Variants in TDRD5 observed in about 807,000 individuals in gnomAD.
TDRD5 encodes the protein tudor domain containing 5.
A neutral mutation model predicts 120.6 loss-of-function variants in TDRD5; 41 were observed. The observed-to-expected ratio is 0.34, with a 90% CI of 0.26 to 0.44. The LOEUF is 0.44. TDRD5 is among the 20% of genes least tolerant of loss of function. The pLI is 1.00. For synonymous variants in TDRD5, 430 were observed against 433.7 expected (o/e 0.99, Z 0.11); for missense variants, 1,006 against 1,221.2 (o/e 0.82, Z 2.63).
At chr1:179,653,155 C>T (rs574371891) in intron 13 of TDRD5, among the ~76,000 whole-genome samples, 2 of 152,242 alleles carry the variant, frequency 1.3e-5, no homozygotes, top group African/African-American at 4.8e-5. Flanking sequence ...GTCTTATATT[C>T]CTCACGACAA....
chr1:179,623,289 A>C (rs1198650078), intron 6 of TDRD5, among the ~76,000 whole-genome samples: 1 of 152,186 alleles, frequency 6.6e-6, no homozygotes, highest in East Asian at 1.9e-4. Flanking sequence ...GGATTGAATA[A>C]AGGATGTAGT....
At position 179,662,160 on chromosome 1, in the gene TDRD5, T is replaced by C; in HGVS notation, c.2379T>C (p.Ile793=). Reference sequence around the variant, plus strand: ...AGTCAGTGACCATAGGTGATGATATTTGGGATGAGAACTGGTTACCTCTAC... The same window carrying C: ...AGTCAGTGACCATAGGTGATGATATCTGGGATGAGAACTGGTTACCTCTAC... The part of the protein sequence containing the change: ...CLESVTIGDD[I]WDENWLPLQA... Residue 793 remains isoleucine (I), a synonymous_variant, in exon 15 of 18, where the codon ATT becomes ATC. Transcript: ENST00000444136. 1.2e-6 allele frequency: 2 copies of C among 1,610,258 alleles called. No individual in the cohort carries two copies. The highest frequency in any genetic ancestry group is 1.7e-6 in the Non-Finnish European group (2 of 1,178,474).
intron 11 of TDRD5, among the ~76,000 whole-genome samples, chr1:179,645,171 C>T (rs1204425477): frequency 6.9e-6 from 1 of 145,978 alleles, no homozygotes; most frequent in Non-Finnish European, 1.5e-5. Context: ...CTGCAAGCTC[C>T]GCCTCCCGGG....
At chr1:179,674,686 A>C (rs951920810) in intron 17 of TDRD5, among the ~76,000 whole-genome samples, 3 of 151,814 alleles carry the variant, frequency 2.0e-5, no homozygotes, top group Non-Finnish European at 2.9e-5. Context: ...TTTTTTGTTG[A>C]CAGTTTTTTT....
At chr1:179,645,132 C>CAGA (rs2102041262) in intron 11 of TDRD5, among the ~76,000 whole-genome samples, 1 of 124,510 alleles carries the variant, frequency 8.0e-6, no homozygotes, top group East Asian at 2.4e-4. Flanking sequence ...GTCGCCCAGG[C>CAGA]TGGAGTGCAG....
chr1:179,599,955 A>G (rs1675618861), intron 4 of TDRD5, among the ~76,000 whole-genome samples: 1 of 152,210 alleles, frequency 6.6e-6, no homozygotes, highest in Non-Finnish European at 1.5e-5. Flanking sequence ...ATGACAATCA[A>G]CAACCATGTT....
chr1:179,664,428 C>T (rs899124996), intron 16 of TDRD5, among the ~76,000 whole-genome samples: 1 of 152,020 alleles, frequency 6.6e-6, no homozygotes, highest in Non-Finnish European at 1.5e-5. Context: ...TTTCATCACG[C>T]TCTCAAAAAA....
At chr1:179,687,871 C>CTT (rs139709484) in intron 17 of TDRD5, among the ~76,000 whole-genome samples, 2,759 of 140,082 alleles carry the variant, frequency 0.02, 34 homozygotes, top group Non-Finnish European at 0.022. Flanking sequence ...GCAACCCCTG[C>CTT]TTTTTTTTTT....
intron 17 of TDRD5, among the ~76,000 whole-genome samples, chr1:179,670,823 C>A (rs1176164237): frequency 6.6e-6 from 1 of 152,138 alleles, no homozygotes; most frequent in Non-Finnish European, 1.5e-5. Context: ...ATAAATATTC[C>A]TCCAGTCTGT....
intron 4 of TDRD5, 38 bp from the exon 5 acceptor site, chr1:179,618,561 G>A (rs1278328734): frequency 6.6e-7 from 1 of 1,506,872 alleles, no homozygotes; most frequent in Non-Finnish European, 9.0e-7. Flanking sequence ...CTTTGGTCAG[G>A]GGGACTGTGA....
In TDRD5 at chr1:179,641,348, G is replaced by A. The variant is rs552779372; in HGVS notation, c.1800+903G>A. Among the ~76,000 whole-genome samples the A allele has an allele frequency of 2.7e-3, 416 of 152,198 alleles. 3 individuals carry two copies. The highest frequency in any genetic ancestry group is 9.5e-3 in the African/African-American group (393 of 41,532). On this transcript the variant is annotated intron_variant, in intron 11 of 17. Coordinates refer to ENST00000444136, the MANE Select transcript of TDRD5 (RefSeq NM_001199085.3). The stretch of plus-strand genomic sequence containing the variant: ...AATTCAAGACCAGCCTGGCCAACAT[G>A]GTGAAACCCCATATCTACTAAAAAT...
rs762575725 is a variant in TDRD5 at position 179,662,057 on chromosome 1, T to C, written c.2323-47T>C. On this transcript the variant is annotated intron_variant, in intron 14 of 17. Transcript: ENST00000444136. The stretch of plus-strand genomic sequence containing the variant: ...AAAACCTAAATTTTATGTGCTCATA[T>C]AGGAACTATAAATGATAGTTTTTCT... 6 of 1,479,842 alleles carry C rather than the reference T, an allele frequency of 4.1e-6. No individual in the cohort carries two copies. In the East Asian group the frequency reaches 1.0e-4, roughly 25 times the overall value. 91.7% of individuals were successfully genotyped at this position (1,479,842 alleles called of 1,614,324 possible).
At chr1:179,609,076 A>T (rs747141064) in intron 4 of TDRD5, among the ~76,000 whole-genome samples, 3 of 152,152 alleles carry the variant, frequency 2.0e-5, no homozygotes, top group Admixed American at 6.6e-5. Context: ...AAGAAGAGAC[A>T]CTAGAGAGTT....
At chr1:179,611,398 T>A (rs1196894360) in intron 4 of TDRD5, among the ~76,000 whole-genome samples, 2 of 152,128 alleles carry the variant, frequency 1.3e-5, no homozygotes, top group African/African-American at 2.4e-5. Context: ...TGTTCATGGT[T>A]CAGAAAGAAA....
At chr1:179,642,612 T>G (rs1047663886) in intron 11 of TDRD5, among the ~76,000 whole-genome samples, 1 of 152,242 alleles carries the variant, frequency 6.6e-6, no homozygotes, top group Non-Finnish European at 1.5e-5. Context: ...TTCATAATGC[T>G]TTATCACTAT....
intron 11 of TDRD5, among the ~76,000 whole-genome samples, chr1:179,650,086 C>G (rs1164925170): frequency 6.6e-6 from 1 of 152,098 alleles, no homozygotes; most frequent in Non-Finnish European, 1.5e-5. Context: ...CATGGGTGCA[C>G]CCTGGCTTTG....
intron 8 of TDRD5, 74 bp downstream of exon 8, chr1:179,634,703 C>A: frequency 6.8e-7 from 1 of 1,463,642 alleles, no homozygotes; most frequent in East Asian, 2.4e-5. Flanking sequence ...TTTCTTTAAA[C>A]CAAAATTCTT....
rs2102071020 is a variant in TDRD5, at chr1:179,654,222, T to G, written c.2182T>G (p.Ser728Ala). The G allele has an allele frequency of 6.5e-7, 1 of 1,545,200 alleles. No homozygotes were observed. The highest frequency in any genetic ancestry group is 2.0e-5 in the Admixed American group (1 of 50,400). The change falls in exon 14 of 18, where the codon TCT becomes GCT. Residue 728 changes from serine to alanine, a missense_variant. Around this residue, in one of 3 missense-constraint regions of TDRD5, gnomAD observed 403 missense variants for 448.1 expected, o/e 0.90. Transcript: ENST00000444136. ...RILQDINDEK[S>A]LSHLKSESKE... ...CTAGCAAGATATTAATGATGAAAAG[T>G]CTTTAAGTCATCTTAAATCTGAGTC...
intron 17 of TDRD5, among the ~76,000 whole-genome samples, chr1:179,670,921 T>A (rs1679823613): frequency 6.6e-6 from 1 of 152,210 alleles, no homozygotes; most frequent in Non-Finnish European, 1.5e-5. Flanking sequence ...GCTTTGTGTA[T>A]CTTGTTTAGA....
Sources: gnomAD v4.1 joint callset for allele counts (sites outside exome capture counted in the v4.1 genomes callset) on GRCh38, gnomAD v4.1.1 for gene constraint, gnomAD v4.1.1 regional missense constraint, MANE v1.5 for transcripts, NCBI Gene and HGNC (gene_info 2026-07-23, HGNC 2026-07-21) for gene names.